Variants in PALLD observed in about 807,000 individuals in gnomAD.
PALLD encodes the protein palladin.
PALLD carries 61 observed loss-of-function variants against 123.5 expected under a neutral mutation model. The observed-to-expected ratio is 0.49, with a 90% CI of 0.40 to 0.61. The LOEUF is 0.61. PALLD is among the 20% of genes least tolerant of loss of function. The probability of loss-of-function intolerance (pLI) is 0.00; values close to 1 mark genes in which losing one functional copy is unlikely to be tolerated. For missense variants in PALLD, 1,273 were observed against 1,377.0 expected (o/e 0.92, Z 1.20); for synonymous variants, 465 against 496.4 (o/e 0.94, Z 0.84).
chr4:168,789,525 T>A (rs1737206571), intron 10 of PALLD, among the ~76,000 whole-genome samples: 1 of 152,018 alleles, frequency 6.6e-6, no homozygotes, highest in Admixed American at 6.5e-5. Flanking sequence ...GCCAAGATGG[T>A]GAAACCCCAT....
At chr4:168,685,810 G>GAAAA (rs70961550) in intron 6 of PALLD, among the ~76,000 whole-genome samples, 362 of 65,370 alleles carry the variant, frequency 5.5e-3, no homozygotes, top group East Asian at 7.7e-3. Flanking sequence ...AAGACAGATA[G>GAAAA]AAAAAAAAAA....
At chr4:168,705,474 C>T (rs1784136966) in intron 8 of PALLD, among the ~76,000 whole-genome samples, 1 of 152,102 alleles carries the variant, frequency 6.6e-6, no homozygotes, top group African/African-American at 2.4e-5. Flanking sequence ...CAAGTCTTTC[C>T]ATTCATTTAA....
chr4:168,733,396 C>T (rs1787370551), intron 10 of PALLD, among the ~76,000 whole-genome samples: 1 of 152,132 alleles, frequency 6.6e-6, no homozygotes, highest in Non-Finnish European at 1.5e-5. Context: ...TTTAAGTAGA[C>T]AAGTTCTAAA....
At chr4:168,708,580 C>T (rs879888986) in intron 8 of PALLD, among the ~76,000 whole-genome samples, 4 of 152,070 alleles carry the variant, frequency 2.6e-5, no homozygotes, top group African/African-American at 9.7e-5. Flanking sequence ...TTTTTTCCCC[C>T]GTGGTTAACA....
intron 16 of PALLD, 114 bp downstream of exon 16, chr4:168,914,135 T>C: frequency 1.3e-6 from 1 of 746,544 alleles, no homozygotes; most frequent in African/African-American, 1.7e-5. Context: ...GAAGATAGAA[T>C]AGGAATGCAA....
At chr4:168,537,416 G>C (rs1478155564) in intron 2 of PALLD, among the ~76,000 whole-genome samples, 2 of 152,194 alleles carry the variant, frequency 1.3e-5, no homozygotes, top group African/African-American at 4.8e-5. Context: ...TCACTTAGCA[G>C]TTCTAAGAAT....
At chr4:168,599,009 A>G (rs552807405) in intron 2 of PALLD, among the ~76,000 whole-genome samples, 12 of 152,334 alleles carry the variant, frequency 7.9e-5, no homozygotes, top group Middle Eastern at 6.8e-3. Flanking sequence ...ATTCCTTATT[A>G]TATTGAAACT....
At chr4:168,503,696 C>T (rs1761685829) in intron 1 of PALLD, among the ~76,000 whole-genome samples, 1 of 150,878 alleles carries the variant, frequency 6.6e-6, no homozygotes, top group South Asian at 2.1e-4. Flanking sequence ...ACATTTTAAG[C>T]AAAAGGAGCA....
intron 2 of PALLD, among the ~76,000 whole-genome samples, chr4:168,661,897 G>T (rs28744369): frequency 3.2e-4 from 48 of 151,992 alleles, no homozygotes; most frequent in Non-Finnish European, 5.0e-4. Context: ...ACTTCACAAG[G>T]TACTTGTGAA....
chr4:168,887,479 A>T (rs1753536602), intron 10 of PALLD, among the ~76,000 whole-genome samples: 1 of 152,222 alleles, frequency 6.6e-6, no homozygotes, highest in South Asian at 2.1e-4. Flanking sequence ...TGCTGAGAAC[A>T]CAGCTCTTAG....
chr4:168,895,782 C>T (rs1754995244), intron 12 of PALLD, among the ~76,000 whole-genome samples: 1 of 152,128 alleles, frequency 6.6e-6, no homozygotes, highest in African/African-American at 2.4e-5. Flanking sequence ...ACTGTTTAGT[C>T]TTAATATCTA....
intron 2 of PALLD, among the ~76,000 whole-genome samples, chr4:168,663,215 T>C (rs1448613155): frequency 6.6e-6 from 1 of 152,214 alleles, no homozygotes; most frequent in Non-Finnish European, 1.5e-5. Context: ...ATTGGAAAGA[T>C]ACTAAATAGT....
intron 15 of PALLD, among the ~76,000 whole-genome samples, chr4:168,911,534 A>G (rs960084613): frequency 6.6e-6 from 1 of 152,204 alleles, no homozygotes; most frequent in African/African-American, 2.4e-5. Context: ...AAAAAGAATC[A>G]TTAATTTTAA....
intron 2 of PALLD, among the ~76,000 whole-genome samples, chr4:168,528,293 C>T (rs568570086): frequency 6.6e-6 from 1 of 152,328 alleles, no homozygotes; most frequent in East Asian, 1.9e-4. Context: ...AATTACTTTT[C>T]CAGCTCTATA....
Position 168,926,513 on chromosome 4 carries a change from A to C in PALLD, c.*333A>C. 1.5e-6 allele frequency: 1 copy of C among 656,300 alleles called. No individual in the cohort carries two copies. The highest frequency in any genetic ancestry group is 2.5e-6 in the Non-Finnish European group (1 of 401,598). 40.7% of individuals were successfully genotyped at this position (656,300 alleles called of 1,614,324 possible). ...AAGAAATTAAAAAAAAAACACCAAAATAATATTTTTCTTACTTGATATACC... is the reference window on the plus strand; with the variant it reads ...AAGAAATTAAAAAAAAAACACCAAACTAATATTTTTCTTACTTGATATACC... On this transcript the variant is annotated 3_prime_UTR_variant, in exon 22 of 22. Coordinates refer to ENST00000505667, the MANE Select transcript of PALLD (RefSeq NM_001166108.2).
chr4:168,780,027 T>A (rs1439434436), intron 10 of PALLD, among the ~76,000 whole-genome samples: 1 of 151,874 alleles, frequency 6.6e-6, no homozygotes, highest in African/African-American at 2.4e-5. Context: ...GCCTCCCGAG[T>A]AGCTGGGATT....
At chr4:168,848,132 C>A (rs2150962420) in intron 10 of PALLD, among the ~76,000 whole-genome samples, 1 of 152,020 alleles carries the variant, frequency 6.6e-6, no homozygotes, top group East Asian at 1.9e-4. Context: ...TTAGCCTCCT[C>A]CGGCAACCCT....
At chr4:168,696,700 G>C (rs1783160260) in intron 8 of PALLD, among the ~76,000 whole-genome samples, 2 of 151,524 alleles carry the variant, frequency 1.3e-5, no homozygotes, top group South Asian at 2.1e-4. Context: ...AAAAAAAAGA[G>C]AGGGGAGGAC....
intron 10 of PALLD, among the ~76,000 whole-genome samples, chr4:168,840,456 T>G (rs1745881365): frequency 6.6e-6 from 1 of 151,518 alleles, no homozygotes; most frequent in African/African-American, 2.4e-5. Context: ...CCACCAAGAG[T>G]TGTCAGTTTG....
Sources: allele counts gnomAD v4.1 joint callset (sites outside exome capture counted in the v4.1 genomes callset), GRCh38; gene constraint gnomAD v4.1.1; transcripts MANE v1.5; gene names NCBI Gene and HGNC (gene_info 2026-07-23, HGNC 2026-07-21).